Variants in DOCK7 observed in about 807,000 individuals in gnomAD.
DOCK7 encodes dedicator of cytokinesis protein 7.
A neutral mutation model predicts 271.0 loss-of-function variants in DOCK7; 138 were observed. The observed-to-expected ratio is 0.51, with a 90% CI of 0.44 to 0.59. The LOEUF (loss-of-function observed/expected upper bound fraction) is 0.59. DOCK7 is among the 20% of genes least tolerant of loss of function. The pLI is 0.00. For missense variants in DOCK7, 2,066 were observed against 2,592.4 expected (o/e 0.80, Z 4.41); for synonymous variants, 823 against 876.1 (o/e 0.94, Z 1.07).
At chr1:62,554,471 CAAAAAAAAAAAAAA>C (rs61023149) in intron 21 of DOCK7, among the ~76,000 whole-genome samples, 1 of 63,902 alleles carries the variant, frequency 1.6e-5, no homozygotes, top group Non-Finnish European at 2.8e-5. Flanking sequence ...GACTCCATCT[CAAAAAAAAAAAAAA>C]AAAAAAAAAA....
intron 29 of DOCK7, among the ~76,000 whole-genome samples, chr1:62,534,879 T>A (rs1645291289): frequency 6.6e-6 from 1 of 151,778 alleles, no homozygotes; most frequent in South Asian, 2.1e-4. Flanking sequence ...TCACTTGAGG[T>A]CAGGAGTTTG....
intron 1 of DOCK7, among the ~76,000 whole-genome samples, chr1:62,683,409 C>A (rs1277404396): frequency 1.3e-5 from 2 of 152,198 alleles, no homozygotes; most frequent in African/African-American, 2.4e-5. Context: ...CTAAAAACAT[C>A]TGAGGTGTTA....
chr1:62,551,966 TAAATC>T (rs1320098409), intron 22 of DOCK7, among the ~76,000 whole-genome samples: 1 of 151,944 alleles, frequency 6.6e-6, no homozygotes, highest in East Asian at 1.9e-4. Context: ...AGTCTTAATG[TAAATC>T]TTACAAAAAT....
chr1:62,539,700 T>A, intron 26 of DOCK7, 42 bp from the exon 27 acceptor site: 1 of 1,610,502 alleles, frequency 6.2e-7, no homozygotes, highest in Non-Finnish European at 8.5e-7. Flanking sequence ...TAAAGTATGA[T>A]AGCTTAATCT....
intron 14 of DOCK7, among the ~76,000 whole-genome samples, chr1:62,611,043 TC>T (rs1235696924): frequency 1.3e-5 from 2 of 152,218 alleles, no homozygotes; most frequent in Non-Finnish European, 2.9e-5. Context: ...CACACTGTCT[TC>T]CACAATGGTT....
intron 14 of DOCK7, among the ~76,000 whole-genome samples, chr1:62,598,269 A>G (rs568040230): frequency 9.9e-5 from 15 of 152,132 alleles, no homozygotes; most frequent in South Asian, 8.3e-4. Context: ...AAAACACTGA[A>G]AATTTGCATT....
intron 11 of DOCK7, chr1:62,628,379 G>C (rs1311748464): frequency 1.3e-5 from 2 of 152,190 alleles, no homozygotes; most frequent in South Asian, 2.1e-4. Flanking sequence ...ATGGGATGGA[G>C]AGTCCAGAAA....
chr1:62,526,773 G>A (rs1050537094), intron 31 of DOCK7, among the ~76,000 whole-genome samples: 1 of 152,056 alleles, frequency 6.6e-6, no homozygotes, highest in African/African-American at 2.4e-5. Flanking sequence ...ATACATACAC[G>A]ACATGGATGA....
chr1:62,462,914 CTTTTTTTTTTTT>C (rs34400688), intron 48 of DOCK7, among the ~76,000 whole-genome samples: 1 of 79,350 alleles, frequency 1.3e-5, no homozygotes. Context: ...GTAGAAAAAG[CTTTTTTTTTTTT>C]TTTTTTTTGC....
chr1:62,614,111 A>C (rs1652149335), intron 14 of DOCK7, among the ~76,000 whole-genome samples: 1 of 152,124 alleles, frequency 6.6e-6, no homozygotes, highest in Non-Finnish European at 1.5e-5. Flanking sequence ...CTTATCCTGA[A>C]ACATTCCTGA....
chr1:62,541,889 TAA>T (rs1023603709), intron 25 of DOCK7, among the ~76,000 whole-genome samples: 11 of 152,290 alleles, frequency 7.2e-5, no homozygotes, highest in African/African-American at 2.6e-4. Context: ...TTAAAAAATT[TAA>T]AGAGACAGGA....
rs1386636917 is a variant in DOCK7 at position 62,672,462 on chromosome 1, T to C, written c.39-9332A>G. On this transcript the variant is annotated intron_variant, in intron 1 of 49. Transcript: ENST00000635253. ...AGAGTTTCACATAACTGATAAGGAA[T>C]AGAGCTAAAATTTGAACATAAAGAC... Among the ~76,000 whole-genome samples the C allele has an allele frequency of 4.6e-5, 7 of 152,142 alleles. 1 individual carries two copies. The South Asian group carries it at 1.0e-3, about 22-fold the overall frequency.
chr1:62,601,823 T>G (rs77871363), intron 14 of DOCK7: 22 of 1,610,252 alleles, frequency 1.4e-5, no homozygotes, highest in Non-Finnish European at 1.8e-5. Flanking sequence ...ACAAGTGGCA[T>G]GTATGCCATC....
At chr1:62,467,129 C>A (rs145014681) in intron 48 of DOCK7, among the ~76,000 whole-genome samples, 164 of 152,246 alleles carry the variant, frequency 1.1e-3, no homozygotes, top group African/African-American at 3.6e-3. Flanking sequence ...AAGGATTATA[C>A]CATTGAAAAT....
intron 17 of DOCK7, among the ~76,000 whole-genome samples, chr1:62,578,392 A>G (rs1454233779): frequency 6.6e-6 from 1 of 152,128 alleles, no homozygotes; most frequent in East Asian, 1.9e-4. Flanking sequence ...ATGCAACTTC[A>G]TAACTGTGGG....
Position 62,513,837 on chromosome 1 carries a change from A to C in DOCK7, c.3998T>G (p.Leu1333Arg). ...TTCATCTGCATTTTTGAGAACCCAAAGTAGACAGATCAAAAGGCTTCGACT... is the reference window on the plus strand; with the variant it reads ...TTCATCTGCATTTTTGAGAACCCAACGTAGACAGATCAAAAGGCTTCGACT... The part of the protein sequence containing the change: ...ESSRSLLICL[L>R]WVLKNADETV... The change falls in exon 32 of 50, where the codon CTT becomes CGT. Residue 1333 changes from leucine (L) to arginine (R), a missense_variant. Leu to Arg is a moderately radical substitution (Grantham distance 102). Coordinates refer to ENST00000635253, the MANE Select transcript of DOCK7 (RefSeq NM_001367561.1). The C allele has an allele frequency of 6.2e-7, 1 of 1,614,132 alleles. No homozygotes were observed. Among genetic ancestry groups the C allele is most frequent in the Non-Finnish European group, 8.5e-7 (1 of 1,179,996 alleles).
intron 14 of DOCK7, chr1:62,601,331 G>T (rs1419437994): frequency 3.0e-6 from 2 of 677,186 alleles, no homozygotes; most frequent in East Asian, 2.8e-5. Flanking sequence ...GGATGCTGGG[G>T]TTCTTTTTAC....
intron 48 of DOCK7, among the ~76,000 whole-genome samples, chr1:62,471,754 C>T (rs895875526): frequency 2.0e-5 from 3 of 152,122 alleles, no homozygotes; most frequent in African/African-American, 7.2e-5. Context: ...AACTATACCA[C>T]ATTCAAATTC....
chr1:62,469,284 G>A lies in DOCK7; in HGVS notation c.6212+4698C>T, dbSNP rs765597667. Among the ~76,000 whole-genome samples, 37 of 152,184 alleles carry A rather than the reference G, an allele frequency of 2.4e-4. 1 individual carries two copies. The highest frequency in any genetic ancestry group is 3.9e-4 in the Admixed American group (6 of 15,280). ...TAAACCCAAATACTTACAGCCAACT[G>A]ATCTTCGACAAAGCAAACAAAAACA... On this transcript the variant is annotated intron_variant, in intron 48 of 49. Transcript: ENST00000635253.
Sources: gnomAD v4.1 joint callset for allele counts (sites outside exome capture counted in the v4.1 genomes callset) on GRCh38, gnomAD v4.1.1 for gene constraint, MANE v1.5 for transcripts, NCBI Gene and HGNC (gene_info 2026-07-23, HGNC 2026-07-21) for gene names.